Variants in NXPH1 observed in about 807,000 individuals in gnomAD.
The protein encoded by NXPH1 is neurexophilin-1.
Under a neutral mutation model 23.7 loss-of-function variants are expected in NXPH1, and 5 were observed. The ratio of observed to expected loss-of-function variants is 0.21; its 90% CI spans 0.11 to 0.44. The LOEUF (loss-of-function observed/expected upper bound fraction) is 0.44, where lower values mean the gene tolerates loss of function less well. NXPH1 is among the 20% of genes least tolerant of loss of function. The pLI, the probability that NXPH1 is intolerant of heterozygous loss-of-function variation, is 0.99. For missense variants in NXPH1, 324 were observed against 321.6 expected, an observed-to-expected ratio of 1.01 and a Z score of -0.06; for synonymous variants, 144 against 122.2, an observed-to-expected ratio of 1.18 and a Z score of -1.18.
chr7:8,509,681 G>A (rs1226332090), intron 2 of NXPH1, among the ~76,000 whole-genome samples: 2 of 152,034 alleles, frequency 1.3e-5, no homozygotes, highest in South Asian at 2.1e-4. Flanking sequence ...AGGGGACTAG[G>A]AAAGTCAGGC....
chr7:8,712,216 A>G (rs1779809403), intron 2 of NXPH1, among the ~76,000 whole-genome samples: 1 of 151,556 alleles, frequency 6.6e-6, no homozygotes, highest in Admixed American at 6.6e-5. Context: ...TGAACTCGGT[A>G]TGTTTAATTT....
intron 2 of NXPH1, among the ~76,000 whole-genome samples, chr7:8,672,058 G>T (rs151190620): frequency 5.9e-5 from 9 of 151,850 alleles, no homozygotes; most frequent in East Asian, 1.9e-4. Flanking sequence ...TTGCCTGTTC[G>T]CTCTGATGGT....
chr7:8,727,411 C>T, intron 2 of NXPH1, among the ~76,000 whole-genome samples: 1 of 140,852 alleles, frequency 7.1e-6, no homozygotes, highest in Non-Finnish European at 1.5e-5. Context: ...AAGTCCTTGC[C>T]CATGCCTATG....
chr7:8,725,219 G>A (rs1780030915), intron 2 of NXPH1, among the ~76,000 whole-genome samples: 1 of 152,198 alleles, frequency 6.6e-6, no homozygotes. Flanking sequence ...GACAGGCGCT[G>A]TGACTCACGC....
chr7:8,463,217 A>G, intron 2 of NXPH1, among the ~76,000 whole-genome samples: 1 of 152,170 alleles, frequency 6.6e-6, no homozygotes, highest in Non-Finnish European at 1.5e-5. Flanking sequence ...AAATTGAGGC[A>G]TATTTACATA....
chr7:8,709,439 G>C (rs1284268214), intron 2 of NXPH1, among the ~76,000 whole-genome samples: 1 of 152,056 alleles, frequency 6.6e-6, no homozygotes. Flanking sequence ...TATATAACTT[G>C]AGCATTGCAA....
chr7:8,568,515 CAGCATTATG>C (rs1818587622), intron 2 of NXPH1, among the ~76,000 whole-genome samples: 1 of 151,734 alleles, frequency 6.6e-6, no homozygotes, highest in African/African-American at 2.4e-5. Context: ...TTTCTTTTCA[CAGCATTATG>C]ACCTCCTAAC....
intron 2 of NXPH1, among the ~76,000 whole-genome samples, chr7:8,520,041 T>A (rs772333176): frequency 2.8e-4 from 43 of 152,096 alleles, no homozygotes; most frequent in Non-Finnish European, 4.9e-4. Context: ...AGATGATGCA[T>A]AATATATATA....
chr7:8,574,268 A>T (rs185321614), intron 2 of NXPH1, among the ~76,000 whole-genome samples: 9 of 152,224 alleles, frequency 5.9e-5, no homozygotes, highest in African/African-American at 1.9e-4. Context: ...CTGTTTTTTT[A>T]AATTTTCAAA....
chr7:8,560,040 A>G (rs1818415086), intron 2 of NXPH1, among the ~76,000 whole-genome samples: 2 of 151,662 alleles, frequency 1.3e-5, no homozygotes, highest in Non-Finnish European at 3.0e-5. Flanking sequence ...GAAGAAAACA[A>G]AGAAGGACTC....
intron 2 of NXPH1, among the ~76,000 whole-genome samples, chr7:8,746,216 G>T (rs1780467521): frequency 7.4e-6 from 1 of 135,896 alleles, no homozygotes; most frequent in African/African-American, 2.9e-5. Flanking sequence ...TGGGGACTTT[G>T]CTAAGGAACC....
chr7:8,640,208 G>A (rs1022934492), intron 2 of NXPH1, among the ~76,000 whole-genome samples: 1 of 151,924 alleles, frequency 6.6e-6, no homozygotes, highest in Non-Finnish European at 1.5e-5. Flanking sequence ...TCTAACTTAC[G>A]AAGATTTCAA....
intron 2 of NXPH1, among the ~76,000 whole-genome samples, chr7:8,661,793 G>A (rs1583219204): frequency 6.6e-6 from 1 of 152,140 alleles, no homozygotes; most frequent in East Asian, 1.9e-4. Context: ...AATGAGGAGT[G>A]CCCCTCAGTC....
Position 8,541,127 on chromosome 7 carries a change from A to G in NXPH1, c.54+105360A>G, listed in dbSNP as rs561673232. Among the ~76,000 whole-genome samples, 11 of 151,932 alleles carry G rather than the reference A, an allele frequency of 7.2e-5. No homozygotes were observed. In the South Asian group the frequency reaches 2.3e-3, roughly 31 times the overall value. On this transcript the variant is annotated intron_variant, in intron 2 of 2. Coordinates refer to ENST00000405863, the MANE Select transcript of NXPH1 (RefSeq NM_152745.3). ...TCAAAAGTTATCCAGAGATGACATG[A>G]ATGTTAGATTGAGTAGATATGGAAG...
intron 2 of NXPH1, among the ~76,000 whole-genome samples, chr7:8,469,796 G>A (rs557270363): frequency 5.3e-5 from 8 of 152,148 alleles, no homozygotes; most frequent in Non-Finnish European, 8.8e-5. Context: ...GACATGCTGG[G>A]CATTTAATAT....
At chr7:8,568,131 G>A (rs767290016) in intron 2 of NXPH1, among the ~76,000 whole-genome samples, 14 of 151,796 alleles carry the variant, frequency 9.2e-5, no homozygotes, top group Non-Finnish European at 1.6e-4. Flanking sequence ...ATAAAATAGA[G>A]CAGATTATGT....
At chr7:8,631,089 C>T (rs1052286658) in intron 2 of NXPH1, among the ~76,000 whole-genome samples, 1 of 152,124 alleles carries the variant, frequency 6.6e-6, no homozygotes, top group African/African-American at 2.4e-5. Flanking sequence ...ATGTATGTCC[C>T]TGCAAAGGAC....
intron 2 of NXPH1, among the ~76,000 whole-genome samples, chr7:8,737,118 T>A (rs1780273364): frequency 1.3e-5 from 2 of 152,220 alleles, no homozygotes; most frequent in Non-Finnish European, 2.9e-5. Flanking sequence ...TTGGAGCTTT[T>A]AGCCCATTTA....
intron 2 of NXPH1, among the ~76,000 whole-genome samples, chr7:8,633,646 CG>C: frequency 6.6e-6 from 1 of 152,218 alleles, no homozygotes; most frequent in Non-Finnish European, 1.5e-5. Flanking sequence ...TGTTTAGTAA[CG>C]TTTAACAATT....
Sources: gnomAD v4.1 joint callset for allele counts (sites outside exome capture counted in the v4.1 genomes callset) on GRCh38, gnomAD v4.1.1 for gene constraint, MANE v1.5 for transcripts, NCBI Gene and HGNC (gene_info 2026-07-23, HGNC 2026-07-21) for gene names.